Variants in MAGI2 observed in about 807,000 individuals in gnomAD.
MAGI2 encodes membrane-associated guanylate kinase, WW and PDZ domain-containing protein 2.
In MAGI2, 35 loss-of-function variants were observed where a neutral mutation model predicts 133.3. The ratio of observed to expected loss-of-function variants is 0.26; its 90% confidence interval spans 0.20 to 0.35. MAGI2 has a LOEUF of 0.35. Among genes scored for constraint, MAGI2 ranks in the 10% least tolerant of loss-of-function variants. The pLI, the probability that MAGI2 is intolerant of heterozygous loss-of-function variation, is 1.00. For missense variants in MAGI2, 1,636 were observed against 1,863.4 expected (o/e 0.88, Z 2.25); for synonymous variants, 729 against 710.6 (o/e 1.03, Z -0.41).
At chr7:78,186,642 C>T (rs1827724330) in intron 12 of MAGI2, among the ~76,000 whole-genome samples, 1 of 152,090 alleles carries the variant, frequency 6.6e-6, no homozygotes, top group Non-Finnish European at 1.5e-5. Flanking sequence ...CCTTTCATTC[C>T]ACAGATGGTT....
chr7:78,020,144 G>A (rs1357732995), intron 21 of MAGI2, among the ~76,000 whole-genome samples, 168 bp from the exon 22 acceptor site: 1 of 143,136 alleles, frequency 7.0e-6, no homozygotes, highest in East Asian at 2.1e-4. Flanking sequence ...CAGCGGCCGC[G>A]CCCCCGGGGA....
intron 6 of MAGI2, among the ~76,000 whole-genome samples, chr7:78,436,498 T>G (rs1800300257): frequency 6.6e-6 from 1 of 152,166 alleles, no homozygotes; most frequent in Non-Finnish European, 1.5e-5. Context: ...AGGGTGAGGC[T>G]CCTCACCTGG....
intron 3 of MAGI2, chr7:78,567,908 G>A (rs1230989597): frequency 6.6e-6 from 1 of 152,110 alleles, no homozygotes; most frequent in Non-Finnish European, 1.5e-5. Context: ...ACTCCAATCA[G>A]GCATTTGTCC....
At chr7:79,264,822 C>G (rs967549535) in intron 1 of MAGI2, among the ~76,000 whole-genome samples, 1 of 151,262 alleles carries the variant, frequency 6.6e-6, no homozygotes, top group Admixed American at 6.6e-5. Flanking sequence ...CCGGAGTGTA[C>G]AGAGGTCACA....
chr7:78,982,713 G>A (rs1300178699), intron 2 of MAGI2, among the ~76,000 whole-genome samples: 1 of 147,804 alleles, frequency 6.8e-6, no homozygotes, highest in African/African-American at 2.5e-5. Context: ...TGAAAGCCAG[G>A]AAGGAACACC....
At chr7:79,223,674 AAAT>A (rs1205954451) in intron 1 of MAGI2, among the ~76,000 whole-genome samples, 4 of 152,050 alleles carry the variant, frequency 2.6e-5, no homozygotes, top group African/African-American at 9.7e-5. Flanking sequence ...CTAAAAATAA[AAAT>A]AAATTTGAGC....
At chr7:78,356,766 A>C (rs1414394672) in intron 7 of MAGI2, among the ~76,000 whole-genome samples, 3 of 152,174 alleles carry the variant, frequency 2.0e-5, no homozygotes, top group Non-Finnish European at 4.4e-5. Context: ...TATATTCACC[A>C]CCAAACCTTG....
At chr7:79,268,062 A>G (rs574877959) in intron 1 of MAGI2, among the ~76,000 whole-genome samples, 2 of 152,156 alleles carry the variant, frequency 1.3e-5, no homozygotes, top group African/African-American at 4.8e-5. Flanking sequence ...ACTGAAGGCC[A>G]TTGTGCTCCT....
chr7:78,569,763 T>C (rs1801319756), intron 3 of MAGI2, among the ~76,000 whole-genome samples: 1 of 152,218 alleles, frequency 6.6e-6, no homozygotes, highest in South Asian at 2.1e-4. Flanking sequence ...TAGAATTTTA[T>C]TAAAATCTCA....
intron 1 of MAGI2, among the ~76,000 whole-genome samples, chr7:79,052,807 C>T (rs1812795828): frequency 6.6e-6 from 1 of 152,084 alleles, no homozygotes; most frequent in Admixed American, 6.6e-5. Flanking sequence ...AAATATAGCA[C>T]ATGATTAATA....
At chr7:78,129,546 C>A (rs893769881) in intron 18 of MAGI2, among the ~76,000 whole-genome samples, 3 of 152,232 alleles carry the variant, frequency 2.0e-5, no homozygotes, top group Admixed American at 6.5e-5. Context: ...AATGATAAAA[C>A]CAGACTGCTA....
intron 1 of MAGI2, among the ~76,000 whole-genome samples, chr7:79,180,900 C>T (rs1057339247): frequency 6.6e-6 from 1 of 151,902 alleles, no homozygotes; most frequent in African/African-American, 2.4e-5. Context: ...CCACGCAAGT[C>T]CAAAATCTAG....
intron 1 of MAGI2, among the ~76,000 whole-genome samples, chr7:79,063,329 A>T (rs1369258891): frequency 1.3e-5 from 2 of 152,160 alleles, no homozygotes; most frequent in African/African-American, 4.8e-5. Context: ...TTTAAAAAAT[A>T]AAATATGCAG....
intron 3 of MAGI2, among the ~76,000 whole-genome samples, chr7:78,619,554 G>A (rs1179269443): frequency 3.3e-5 from 5 of 151,856 alleles, no homozygotes; most frequent in Admixed American, 3.3e-4. Context: ...AGTTGCTTAT[G>A]TCAGTCCTTC....
At chr7:78,852,907 A>G (rs1793265653) in intron 2 of MAGI2, among the ~76,000 whole-genome samples, 1 of 152,176 alleles carries the variant, frequency 6.6e-6, no homozygotes, top group African/African-American at 2.4e-5. Context: ...AAATTCCTAT[A>G]AAAGCAAGAA....
intron 2 of MAGI2, among the ~76,000 whole-genome samples, chr7:78,927,112 T>A (rs766221515): frequency 2.5e-4 from 38 of 152,100 alleles, no homozygotes; most frequent in Admixed American, 7.2e-4. Flanking sequence ...ATACTTTTCA[T>A]CATGAGAAGC....
At chr7:78,340,483 A>G (rs1040659360) in intron 9 of MAGI2, among the ~76,000 whole-genome samples, 8 of 152,094 alleles carry the variant, frequency 5.3e-5, no homozygotes, top group Non-Finnish European at 1.0e-4. Context: ...TGATACCAAA[A>G]CCTGGCAGAG....
At chr7:78,436,999 A>C (rs902602539) in intron 6 of MAGI2, among the ~76,000 whole-genome samples, 1 of 152,186 alleles carries the variant, frequency 6.6e-6, no homozygotes, top group Non-Finnish European at 1.5e-5. Flanking sequence ...ATCTATACCA[A>C]ACGCAGAGTA....
chr7:78,770,179 G>T (rs938246429), intron 2 of MAGI2, among the ~76,000 whole-genome samples: 4 of 152,208 alleles, frequency 2.6e-5, no homozygotes, highest in Admixed American at 6.5e-5. Flanking sequence ...AGAAACAAGA[G>T]AAATTATGTG....
Sources: allele counts gnomAD v4.1 joint callset (sites outside exome capture counted in the v4.1 genomes callset), GRCh38; gene constraint gnomAD v4.1.1; transcripts MANE v1.5; gene names NCBI Gene and HGNC (gene_info 2026-07-23, HGNC 2026-07-21).